NBAS: variants seen among roughly 807,000 people sequenced by gnomAD.
NBAS encodes NBAS subunit of NRZ tethering complex, also known as NAG/BC035112 fusion.
NBAS carries 219 observed loss-of-function variants against 302.5 expected under a neutral mutation model. That is an observed-to-expected ratio of 0.72 (90% CI 0.65 to 0.81). NBAS has a LOEUF of 0.81. NBAS is among the 30% of genes least tolerant of loss of function. NBAS has a pLI of 0.00. For synonymous variants in NBAS, 1,118 were observed against 1,021.6 expected (o/e 1.09, Z -1.80); for missense variants, 2,932 against 2,841.6 (o/e 1.03, Z -0.72).
chr2:15,013,835 T>C, the NBAS span, among the ~76,000 whole-genome samples: 1 of 152,104 alleles, frequency 6.6e-6, no homozygotes, highest in Non-Finnish European at 1.5e-5. Flanking sequence ...GACAGCTGCA[T>C]GAATAAAAAT....
intron 25 of NBAS, among the ~76,000 whole-genome samples, chr2:15,409,576 TTTA>T (rs1676583505): frequency 6.6e-6 from 1 of 152,186 alleles, no homozygotes; most frequent in Non-Finnish European, 1.5e-5. Flanking sequence ...ATGTTTTGCT[TTTA>T]TTATTACAGT....
At chr2:15,118,337 T>C in the NBAS span, among the ~76,000 whole-genome samples, 8 of 152,198 alleles carry the variant, frequency 5.3e-5, no homozygotes. Context: ...GGGTCAGACA[T>C]AGGCAAAGCA....
chr2:14,897,134 C>T, the NBAS span, among the ~76,000 whole-genome samples: 1 of 151,904 alleles, frequency 6.6e-6, no homozygotes, highest in Admixed American at 6.6e-5. Flanking sequence ...GAAATTTGCC[C>T]AGTATCACAC....
the NBAS span, among the ~76,000 whole-genome samples, chr2:14,848,613 C>T: frequency 5.7e-5 from 8 of 140,168 alleles, no homozygotes; most frequent in East Asian, 1.5e-3. Flanking sequence ...TAGGCTCCAC[C>T]TCTGGGGGCA....
At chr2:15,479,608 G>A (rs1405561054) in intron 12 of NBAS, among the ~76,000 whole-genome samples, 1 of 152,180 alleles carries the variant, frequency 6.6e-6, no homozygotes, top group African/African-American at 2.4e-5. Context: ...AATTTGACAA[G>A]AAATCTTAAG....
chr2:15,528,517 C>T (rs1663042219), intron 9 of NBAS, among the ~76,000 whole-genome samples: 1 of 87,088 alleles, frequency 1.1e-5, no homozygotes, highest in South Asian at 3.1e-4. Flanking sequence ...TATATACACA[C>T]ACACACACAT....
the NBAS span, among the ~76,000 whole-genome samples, chr2:14,943,873 A>G: frequency 6.6e-6 from 1 of 151,986 alleles, no homozygotes; most frequent in African/African-American, 2.4e-5. Flanking sequence ...CTTTTTTGCA[A>G]GCACAGCAAA....
intron 45 of NBAS, among the ~76,000 whole-genome samples, chr2:15,237,607 T>A (rs1236494161): frequency 6.9e-6 from 1 of 144,050 alleles, no homozygotes; most frequent in Non-Finnish European, 1.5e-5. Flanking sequence ...TATTTATTTA[T>A]TTATCTGAGA....
the NBAS span, among the ~76,000 whole-genome samples, chr2:15,099,394 A>G: frequency 1.3e-5 from 2 of 152,116 alleles, no homozygotes; most frequent in Non-Finnish European, 2.9e-5. Flanking sequence ...CTACCTTTCA[A>G]ATATCCTACA....
intron 35 of NBAS, among the ~76,000 whole-genome samples, chr2:15,339,567 C>A (rs1015473613): frequency 6.6e-6 from 1 of 152,030 alleles, no homozygotes; most frequent in African/African-American, 2.4e-5. Flanking sequence ...ACAAAACTGA[C>A]CAAAATATGA....
chr2:15,038,863 A>C, the NBAS span, among the ~76,000 whole-genome samples: 2 of 152,200 alleles, frequency 1.3e-5, no homozygotes, highest in African/African-American at 4.8e-5. Flanking sequence ...GAAAGAGACA[A>C]TTATCTTAAC....
At chr2:15,426,661 C>G (rs905244162) in intron 22 of NBAS, among the ~76,000 whole-genome samples, 5 of 152,160 alleles carry the variant, frequency 3.3e-5, no homozygotes, top group African/African-American at 1.2e-4. Flanking sequence ...ACAGTATCTT[C>G]TCTTATCTCC....
chr2:15,037,452 T>C, the NBAS span, among the ~76,000 whole-genome samples: 1 of 152,136 alleles, frequency 6.6e-6, no homozygotes, highest in Non-Finnish European at 1.5e-5. Context: ...ACTGCCGACA[T>C]GCTCAGAGCA....
chr2:15,247,762 A>G (rs1668169932), intron 44 of NBAS, among the ~76,000 whole-genome samples: 1 of 85,552 alleles, frequency 1.2e-5, no homozygotes, highest in Non-Finnish European at 2.0e-5. Context: ...ATAGATATAA[A>G]ATCCATCACA....
At chr2:15,062,585 A>G in the NBAS span, among the ~76,000 whole-genome samples, 1 of 152,218 alleles carries the variant, frequency 6.6e-6, no homozygotes, top group Non-Finnish European at 1.5e-5. Context: ...AGGAACCAGC[A>G]TATTAGAGCA....
the NBAS span, among the ~76,000 whole-genome samples, chr2:15,077,550 A>G: frequency 6.6e-6 from 1 of 152,358 alleles, no homozygotes; most frequent in East Asian, 1.9e-4. Context: ...CAGAAAAGCA[A>G]GCAAGTAAAT....
chr2:14,873,326 G>A, the NBAS span, among the ~76,000 whole-genome samples: 37 of 152,264 alleles, frequency 2.4e-4, no homozygotes, highest in African/African-American at 7.7e-4. Flanking sequence ...AGCCCAACTC[G>A]CTTCACCTCT....
chr2:15,232,766 G>A (rs1254763038), intron 46 of NBAS, among the ~76,000 whole-genome samples: 2 of 151,978 alleles, frequency 1.3e-5, no homozygotes, highest in African/African-American at 2.4e-5. Context: ...TTCTACTTGC[G>A]CTGTGTCATT....
intron 36 of NBAS, among the ~76,000 whole-genome samples, chr2:15,329,629 C>T (rs985722098): frequency 2.6e-5 from 4 of 152,198 alleles, no homozygotes; most frequent in African/African-American, 9.7e-5. Context: ...GGCCTCCCCA[C>T]CACCTTCTGA....
Sources: gnomAD v4.1 joint callset for allele counts (sites outside exome capture counted in the v4.1 genomes callset) on GRCh38, gnomAD v4.1.1 for gene constraint, MANE v1.5 for transcripts, NCBI Gene and HGNC (gene_info 2026-07-23, HGNC 2026-07-21) for gene names.